Variants in KIF2A observed in about 807,000 individuals in gnomAD.
The protein encoded by KIF2A is kinesin family member 2A, also known as kinesin-like protein KIF2A.
Under a neutral mutation model 100.2 loss-of-function variants are expected in KIF2A, and 22 were observed. That is an observed-to-expected ratio of 0.22 (90% confidence interval 0.16 to 0.31). The LOEUF is 0.31. Ranked by LOEUF, KIF2A falls within the 10% of genes least tolerant of loss-of-function variation. The probability of loss-of-function intolerance (pLI) is 1.00; values close to 1 mark genes in which losing one functional copy is unlikely to be tolerated. For missense variants in KIF2A, 495 were observed against 898.7 expected, an observed-to-expected ratio of 0.55 and a Z score of 5.74; for synonymous variants, 268 against 285.9, an observed-to-expected ratio of 0.94 and a Z score of 0.63.
At chr5:62,351,813 T>TGTA (rs1491179222) in intron 4 of KIF2A, among the ~76,000 whole-genome samples, 2 of 135,778 alleles carry the variant, frequency 1.5e-5, no homozygotes, top group African/African-American at 5.0e-5. Flanking sequence ...TTTTACTCTC[T>TGTA]GTATATATTT....
In KIF2A at chr5:62,365,270, A is replaced by C; in HGVS notation, c.1495A>C (p.Lys499Gln). ...GTGCATCAGAGCCTTAGGTAGAAAT[A>C]AACCTCATACTCCTTTCCGTGCAAG... Reference protein sequence around the residue: ...KECIRALGRNKPHTPFRASKL... With the variant: ...KECIRALGRNQPHTPFRASKL... Residue 499 changes from lysine to glutamine, a missense_variant, in exon 15 of 21, where the codon AAA becomes CAA. Physicochemically the swap from Lys to Gln is moderately conservative, Grantham distance 53. This residue lies in a region of KIF2A where 16 missense variants were observed against 78.1 expected (regional missense o/e 0.20). Coordinates refer to ENST00000407818, the MANE Select transcript of KIF2A (RefSeq NM_001098511.3). 2.5e-6 allele frequency: 4 copies of C among 1,606,142 alleles called. No individual in the cohort carries two copies. Among genetic ancestry groups the C allele is most frequent in the Non-Finnish European group, 3.4e-6 (4 of 1,175,208 alleles).
At chr5:62,306,728 A>C (rs1745300390) in intron 1 of KIF2A, among the ~76,000 whole-genome samples, 192 bp downstream of exon 1, 1 of 151,756 alleles carries the variant, frequency 6.6e-6, no homozygotes, top group African/African-American at 2.4e-5. Context: ...GCGCTGCTGC[A>C]GTTCTCCGGA....
At chr5:62,378,773 C>T (rs549394933) in intron 19 of KIF2A, among the ~76,000 whole-genome samples, 1 of 151,744 alleles carries the variant, frequency 6.6e-6, no homozygotes, top group South Asian at 2.1e-4. Flanking sequence ...CAAAAATTAG[C>T]TGGGTGAGGT....
chr5:62,382,520 C>G (rs1038903212), intron 20 of KIF2A, among the ~76,000 whole-genome samples: 1 of 152,048 alleles, frequency 6.6e-6, no homozygotes, highest in Non-Finnish European at 1.5e-5. Context: ...CGTTGAGTAT[C>G]CCTTATGTGA....
chr5:62,308,293 A>C, intron 1 of KIF2A: 12 of 1,358,102 alleles, frequency 8.8e-6, no homozygotes, highest in African/African-American at 1.5e-5. Flanking sequence ...GAGTGCTGTT[A>C]ATGTCATTTT....
At chr5:62,355,373 C>T (rs1748047869) in intron 7 of KIF2A, 119 bp downstream of exon 7, 2 of 578,204 alleles carry the variant, frequency 3.5e-6, no homozygotes, top group Non-Finnish European at 6.2e-6. Context: ...CTTGTGGGTG[C>T]TCATTCCCCA....
At chr5:62,365,634 C>G (rs1043171628) in intron 15 of KIF2A, among the ~76,000 whole-genome samples, 1 of 151,822 alleles carries the variant, frequency 6.6e-6, no homozygotes, top group African/African-American at 2.4e-5. Flanking sequence ...ATAGGTCACA[C>G]TTTTCTTTAT....
chr5:62,339,051 C>A (rs2111876875), intron 1 of KIF2A, among the ~76,000 whole-genome samples: 1 of 152,192 alleles, frequency 6.6e-6, no homozygotes, highest in East Asian at 1.9e-4. Context: ...GTGTGTTAGG[C>A]CCATCTTTCA....
intron 1 of KIF2A, among the ~76,000 whole-genome samples, chr5:62,335,409 T>C (rs1296134975): frequency 6.6e-6 from 1 of 152,130 alleles, no homozygotes. Context: ...CCCCAGCTAG[T>C]AGAGACGCCA....
At chr5:62,340,005 C>G (rs556179050) in intron 1 of KIF2A, among the ~76,000 whole-genome samples, 4 of 146,020 alleles carry the variant, frequency 2.7e-5, no homozygotes, top group African/African-American at 1.0e-4. Context: ...ATGGCGCGAT[C>G]TTGGCTCACT....
At chr5:62,326,235 G>T (rs1746373648) in intron 1 of KIF2A, among the ~76,000 whole-genome samples, 1 of 152,078 alleles carries the variant, frequency 6.6e-6, no homozygotes, top group African/African-American at 2.4e-5. Flanking sequence ...ACCAAAAACA[G>T]AATCCATTGC....
At chr5:62,369,440 C>T (rs1422818370) in intron 16 of KIF2A, among the ~76,000 whole-genome samples, 1 of 152,206 alleles carries the variant, frequency 6.6e-6, no homozygotes, top group Non-Finnish European at 1.5e-5. Flanking sequence ...AACTCACTAT[C>T]ACGAGAACAG....
At chr5:62,382,825 C>G (rs111290295) in intron 20 of KIF2A, among the ~76,000 whole-genome samples, 2,473 of 151,890 alleles carry the variant, frequency 0.016, 57 homozygotes, top group African/African-American at 0.057. Context: ...CGGGGTTTCA[C>G]CATGTTGGCC....
intron 20 of KIF2A, among the ~76,000 whole-genome samples, chr5:62,383,306 G>C (rs1298327565): frequency 4.1e-5 from 5 of 122,372 alleles, no homozygotes; most frequent in Admixed American, 3.1e-4. Context: ...GCAGTGGAGC[G>C]ATCTTGGCTC....
At chr5:62,335,453 G>A (rs576326234) in intron 1 of KIF2A, among the ~76,000 whole-genome samples, 3 of 152,258 alleles carry the variant, frequency 2.0e-5, no homozygotes, top group African/African-American at 4.8e-5. Flanking sequence ...TAGCATGAAC[G>A]AAGGAGCCCA....
intron 1 of KIF2A, among the ~76,000 whole-genome samples, chr5:62,314,780 T>TTTTA (rs1255688053): frequency 1.4e-5 from 2 of 144,220 alleles, no homozygotes; most frequent in East Asian, 4.2e-4. Context: ...TTTTTTTTTT[T>TTTTA]AAGATGGAGT....
chr5:62,324,441 C>G (rs201417563), intron 1 of KIF2A, among the ~76,000 whole-genome samples: 6 of 152,110 alleles, frequency 3.9e-5, no homozygotes, highest in Non-Finnish European at 5.9e-5. Flanking sequence ...AGGTATTATA[C>G]TACCCCCATT....
intron 16 of KIF2A, among the ~76,000 whole-genome samples, chr5:62,370,385 CG>C (rs1282069426): frequency 6.6e-6 from 1 of 152,068 alleles, no homozygotes; most frequent in African/African-American, 2.4e-5. Context: ...CCTCTGACTC[CG>C]GGGTTCAAGC....
chr5:62,360,231 C>A (rs1748331799), intron 9 of KIF2A, among the ~76,000 whole-genome samples: 1 of 151,730 alleles, frequency 6.6e-6, no homozygotes, highest in Admixed American at 6.6e-5. Context: ...CTCAAGTGAT[C>A]CACCCACCTC....
Sources: allele counts gnomAD v4.1 joint callset (sites outside exome capture counted in the v4.1 genomes callset), GRCh38; gene constraint gnomAD v4.1.1; regional missense constraint gnomAD v4.1.1; transcripts MANE v1.5; gene names NCBI Gene and HGNC (gene_info 2026-07-23, HGNC 2026-07-21).